Variants in PGM5 observed in about 807,000 individuals in gnomAD.
The protein encoded by PGM5 is phosphoglucomutase 5, also known as phosphoglucomutase-like protein 5.
A neutral mutation model predicts 59.2 loss-of-function variants in PGM5; 23 were observed. That is an observed-to-expected ratio of 0.39 (90% confidence interval 0.28 to 0.55). The LOEUF is 0.55. Among genes scored for constraint, PGM5 ranks in the 20% least tolerant of loss-of-function variants. The pLI, the probability that PGM5 is intolerant of heterozygous loss-of-function variation, is 0.66. For missense variants in PGM5, 574 were observed against 748.3 expected (o/e 0.77, Z 2.72); for synonymous variants, 214 against 286.0 (o/e 0.75, Z 2.54).
intron 3 of PGM5, among the ~76,000 whole-genome samples, chr9:68,385,828 T>C (rs1269218999): frequency 6.6e-6 from 1 of 151,922 alleles, no homozygotes; most frequent in Non-Finnish European, 1.5e-5. Flanking sequence ...GTTGAATGAG[T>C]TTTCTAAAAA....
At chr9:68,429,987 G>A (rs1166354870) in intron 6 of PGM5, among the ~76,000 whole-genome samples, 3 of 152,118 alleles carry the variant, frequency 2.0e-5, no homozygotes, top group Non-Finnish European at 4.4e-5. Flanking sequence ...ACAGTATCTG[G>A]GTATCTGAGG....
chr9:68,501,212 G>A (rs1377605867), intron 10 of PGM5, among the ~76,000 whole-genome samples: 16 of 152,076 alleles, frequency 1.1e-4, no homozygotes, highest in Admixed American at 7.2e-4. Flanking sequence ...GACCTGGCTC[G>A]ATGGGCCCCC....
intron 4 of PGM5, 116 bp downstream of exon 4, chr9:68,387,704 A>G: frequency 1.1e-6 from 1 of 939,670 alleles, no homozygotes; most frequent in Non-Finnish European, 1.6e-6. Flanking sequence ...CAACATGTGT[A>G]TGTTCAGATA....
chr9:68,510,308 C>T (rs531062412), intron 10 of PGM5, among the ~76,000 whole-genome samples: 63 of 152,030 alleles, frequency 4.1e-4, no homozygotes, highest in African/African-American at 1.5e-3. Context: ...CCCGCCACCA[C>T]GCCCGGCTAA....
chr9:68,424,690 C>T lies in PGM5; in HGVS notation c.1043+32217C>T, dbSNP rs150383856. The stretch of plus-strand genomic sequence containing the variant: ...AATAAATATAAAGCAAGTTTCTTAA[C>T]TTCTTCACTTTTCATAGCTTTTGAC... On this transcript the variant is annotated intron_variant, in intron 6 of 10. Coordinates refer to ENST00000396396, the MANE Select transcript of PGM5 (RefSeq NM_021965.4). Among the ~76,000 whole-genome samples the T allele has an allele frequency of 9.2e-5, 14 of 152,296 alleles. No individual in the cohort carries two copies. In the East Asian group the frequency reaches 2.5e-3, roughly 27 times the overall value.
intron 1 of PGM5, chr9:68,357,768 C>T (rs1834493671): frequency 7.1e-6 from 2 of 281,818 alleles, no homozygotes; most frequent in South Asian, 3.9e-5. Flanking sequence ...CCATATTGTT[C>T]CCAACGCATT....
At chr9:68,357,840 G>A (rs1428343838) in intron 1 of PGM5, 11 of 211,942 alleles carry the variant, frequency 5.2e-5, no homozygotes, top group South Asian at 6.9e-5. Flanking sequence ...CCTCTGCCCC[G>A]TGCCCTTTTT....
Position 68,378,226 on chromosome 9 carries a change from G to T in PGM5, c.289G>T (p.Gly97Cys). The change falls in exon 2 of 11, where the codon GGC (glycine) becomes TGC (cysteine). Residue 97 changes from glycine (G) to cysteine (C), a missense_variant. Coordinates refer to ENST00000396396, the MANE Select transcript of PGM5 (RefSeq NM_021965.4). ...TGGACGACTGATTATTGGACAGAAT[G>T]GCATCTTGTCGACACCTGCGGTCTC... ...GIGRLIIGQN[G>C]ILSTPAVSCI... The T allele has an allele frequency of 6.3e-7, 1 of 1,578,754 alleles. No individual in the cohort carries two copies. Among genetic ancestry groups the T allele is most frequent in the Middle Eastern group, 2.4e-4 (1 of 4,244 alleles).
At chr9:68,414,506 C>A (rs1407707796) in intron 6 of PGM5, among the ~76,000 whole-genome samples, 2 of 152,126 alleles carry the variant, frequency 1.3e-5, no homozygotes, top group African/African-American at 4.8e-5. Flanking sequence ...TCAGTCTCCC[C>A]ACTGTGAACA....
intron 1 of PGM5, among the ~76,000 whole-genome samples, chr9:68,374,886 A>G (rs1192502053): frequency 1.3e-5 from 2 of 152,226 alleles, no homozygotes; most frequent in African/African-American, 4.8e-5. Context: ...TTAGATGGTA[A>G]TATGTGTGAG....
At chr9:68,414,492 G>A (rs1263332280) in intron 6 of PGM5, among the ~76,000 whole-genome samples, 9 of 152,152 alleles carry the variant, frequency 5.9e-5, no homozygotes, top group African/African-American at 1.9e-4. Context: ...ATGTGCTCCC[G>A]CTGTCAGTCT....
rs1823082785 is a variant in PGM5 at position 68,418,948 on chromosome 9, G to A, written c.1043+26475G>A. ...CAGGCTTATGCGAGCTTTATAGTCG[G>A]CTGAAAAAGAGAATGTGGTAAAGAT... On this transcript the variant is annotated intron_variant, in intron 6 of 10. Transcript: ENST00000396396. 2.0e-5 allele frequency among the ~76,000 whole-genome samples: 3 copies of A among 152,134 alleles called. No individual in the cohort carries two copies. In the South Asian group the frequency reaches 6.2e-4, roughly 32 times the overall value.
intron 9 of PGM5, among the ~76,000 whole-genome samples, chr9:68,496,659 G>A (rs1300249171): frequency 6.6e-6 from 1 of 152,176 alleles, no homozygotes; most frequent in Admixed American, 6.5e-5. Flanking sequence ...TATAGTCAAA[G>A]ACATTATAAT....
Position 68,475,184 on chromosome 9 carries a change from A to ATTTTT in PGM5, c.1160-4216_1160-4212dup, listed in dbSNP as rs782687667. Among the ~76,000 whole-genome samples, 900 of 112,704 alleles carry ATTTTT rather than the reference A, an allele frequency of 8.0e-3. 11 individuals are homozygous for ATTTTT. The highest frequency in any genetic ancestry group is 9.9e-3 in the East Asian group (33 of 3,344). The allele number at this position is 112,704 out of a possible 152,430, so 73.9% of individuals were successfully genotyped here. On this transcript the variant is annotated intron_variant, in intron 7 of 10. Coordinates refer to ENST00000396396, the MANE Select transcript of PGM5 (RefSeq NM_021965.4). ...ATGTGTCTGCCATCATGCCTGGCTAATTTTTTTTTTTTTTTTTTTTTTGTA... is the reference window on the plus strand; with the variant it reads ...ATGTGTCTGCCATCATGCCTGGCTAATTTTTTTTTTTTTTTTTTTTTTTTTTTGTA...
At position 68,406,978 on chromosome 9, in the gene PGM5, C is replaced by T. The variant is rs12351242; in HGVS notation, c.1043+14505C>T. ...TGTATATTCACATTTCAGAGTCCAT[C>T]AGAGCTTCCAGAGGACTCTGCTGTG... On this transcript the variant is annotated intron_variant, in intron 6 of 10. Coordinates refer to ENST00000396396, the MANE Select transcript of PGM5 (RefSeq NM_021965.4). Among the ~76,000 whole-genome samples, 910 of 151,884 alleles carry T rather than the reference C, an allele frequency of 6.0e-3. 6 individuals are homozygous for T. Among genetic ancestry groups the T allele is most frequent in the African/African-American group, 0.021 (881 of 41,398 alleles).
chr9:68,379,752 TAGA>T (rs1259894737), intron 2 of PGM5, among the ~76,000 whole-genome samples: 7 of 151,944 alleles, frequency 4.6e-5, no homozygotes, highest in Non-Finnish European at 2.9e-5. Context: ...AGTAAAGGGA[TAGA>T]AGGAGATATG....
At chr9:68,425,088 T>C (rs1823211533) in intron 6 of PGM5, among the ~76,000 whole-genome samples, 1 of 152,222 alleles carries the variant, frequency 6.6e-6, no homozygotes, top group Non-Finnish European at 1.5e-5. Context: ...TGGGAGATCA[T>C]CTTTTTTGAG....
intron 10 of PGM5, 90 bp from the exon 11 acceptor site, chr9:68,529,477 G>A: frequency 2.3e-6 from 2 of 872,714 alleles, no homozygotes. Flanking sequence ...ATTGGAATCT[G>A]AGTCCAGATG....
At chr9:68,515,855 T>G (rs1824815875) in intron 10 of PGM5, among the ~76,000 whole-genome samples, 1 of 152,244 alleles carries the variant, frequency 6.6e-6, no homozygotes. Flanking sequence ...GGTATGCTGG[T>G]CCACTCACCT....
Sources: allele counts gnomAD v4.1 joint callset (sites outside exome capture counted in the v4.1 genomes callset), GRCh38; gene constraint gnomAD v4.1.1; transcripts MANE v1.5; gene names NCBI Gene and HGNC (gene_info 2026-07-23, HGNC 2026-07-21).